Variants in UBE3C observed in about 807,000 individuals in gnomAD.
UBE3C encodes the protein ubiquitin-protein ligase E3C.
UBE3C carries 42 observed loss-of-function variants against 129.4 expected under a neutral mutation model. The ratio of observed to expected loss-of-function variants is 0.32; its 90% CI spans 0.25 to 0.42. The LOEUF is 0.42. UBE3C is among the 10% of genes least tolerant of loss of function. UBE3C has a pLI of 1.00. For synonymous variants in UBE3C, 510 were observed against 492.4 expected (o/e 1.04, Z -0.47); for missense variants, 1,049 against 1,319.1 (o/e 0.80, Z 3.17).
chr7:157,171,866 C>T (rs1808387508), intron 4 of UBE3C, among the ~76,000 whole-genome samples: 1 of 150,310 alleles, frequency 6.7e-6, no homozygotes, highest in African/African-American at 2.4e-5. Context: ...ACCACCACGC[C>T]CAGCTAATTT....
chr7:157,227,700 G>GA (rs933090435), intron 17 of UBE3C, among the ~76,000 whole-genome samples: 36 of 144,866 alleles, frequency 2.5e-4, no homozygotes, highest in Middle Eastern at 7.1e-3. Context: ...CTTCATCTCA[G>GA]AAAAAAAAAA....
At chr7:157,224,318 C>T (rs1795814899) in intron 16 of UBE3C, among the ~76,000 whole-genome samples, 1 of 152,128 alleles carries the variant, frequency 6.6e-6, no homozygotes, top group African/African-American at 2.4e-5. Flanking sequence ...CTTCAGCCTC[C>T]CAAGTAGCTA....
rs150266645 is a variant in UBE3C at position 157,213,770 on chromosome 7, G to A, written c.1810-3097G>A. On this transcript the variant is annotated intron_variant, in intron 13 of 22. Coordinates refer to ENST00000348165, the MANE Select transcript of UBE3C (RefSeq NM_014671.3). ...GTTTGGTATTTGATATTCTAAATAA[G>A]TATTTTGGGAATTGGTCCGGGACTA... 5.3e-5 allele frequency among the ~76,000 whole-genome samples: 8 copies of A among 152,254 alleles called. No homozygotes were observed. The East Asian group carries it at 1.5e-3, about 29-fold the overall frequency.
At chr7:157,192,720 G>C in intron 10 of UBE3C, 1 of 833,514 alleles carries the variant, frequency 1.2e-6, no homozygotes, top group East Asian at 2.4e-5. Context: ...CCTTCGTCGA[G>C]AGTGCCCTTC....
At chr7:157,143,803 G>A (rs1807525880) in intron 1 of UBE3C, among the ~76,000 whole-genome samples, 1 of 152,186 alleles carries the variant, frequency 6.6e-6, no homozygotes, top group Non-Finnish European at 1.5e-5. Context: ...AGATTTGGGG[G>A]TTATCAACAG....
chr7:157,263,558 G>A (rs1796979999), intron 22 of UBE3C, among the ~76,000 whole-genome samples: 1 of 152,098 alleles, frequency 6.6e-6, no homozygotes, highest in Non-Finnish European at 1.5e-5. Context: ...CAGCTACTCG[G>A]GAGGTTGAGG....
rs562261783 is a variant in UBE3C, at chr7:157,257,185, A to G, written c.3081+141A>G. On this transcript the variant is annotated intron_variant, in intron 22 of 22. Coordinates refer to ENST00000348165, the MANE Select transcript of UBE3C (RefSeq NM_014671.3). ...CTAGATTTTTAATTAAGTACTGGTT[A>G]TGATGTATATATTTTGGTGCTAGTT... 2.2e-4 allele frequency: 269 copies of G among 1,201,632 alleles called. 4 individuals are homozygous for G. In the South Asian group the frequency reaches 4.1e-3, roughly 18 times the overall value. The allele number at this position is 1,201,632 out of a possible 1,614,324, so 74.4% of individuals were successfully genotyped here.
intron 10 of UBE3C, chr7:157,198,056 GA>G: frequency 6.2e-7 from 1 of 1,607,730 alleles, no homozygotes. Context: ...GCTCCAGGGG[GA>G]TCTCTCCTCT....
chr7:157,140,659 G>A (rs1317403853), intron 1 of UBE3C, among the ~76,000 whole-genome samples: 1 of 152,174 alleles, frequency 6.6e-6, no homozygotes, highest in African/African-American at 2.4e-5. Context: ...GCAAGCTAGT[G>A]GCAGACCATC....
At chr7:157,194,451 C>CATAAAAGACTTTTCTAG (rs1312031187) in intron 10 of UBE3C, among the ~76,000 whole-genome samples, 1 of 152,094 alleles carries the variant, frequency 6.6e-6, no homozygotes, top group African/African-American at 2.4e-5. Flanking sequence ...GAGAAGTAGG[C>CATAAAAGACTTTTCTAG]ATAAAAGACT....
intron 14 of UBE3C, among the ~76,000 whole-genome samples, chr7:157,217,579 G>A (rs1020780765): frequency 1.3e-5 from 2 of 152,148 alleles, no homozygotes; most frequent in Non-Finnish European, 2.9e-5. Context: ...GCTCACGCCT[G>A]TAATCCCAGC....
At chr7:157,209,372 T>G (rs2117013530) in intron 13 of UBE3C, among the ~76,000 whole-genome samples, 1 of 152,366 alleles carries the variant, frequency 6.6e-6, no homozygotes, top group Middle Eastern at 3.4e-3. Flanking sequence ...ATGTAATATA[T>G]GTTTGCACAA....
intron 10 of UBE3C, 30 bp from the exon 11 acceptor site, chr7:157,201,691 G>A (rs1164754303): frequency 1.8e-6 from 1 of 565,158 alleles, no homozygotes; most frequent in Non-Finnish European, 2.6e-6. Context: ...TTGCTTTACT[G>A]TTCTGTGTTT....
At chr7:157,161,205 G>C (rs1212204033) in intron 1 of UBE3C, among the ~76,000 whole-genome samples, 2 of 152,184 alleles carry the variant, frequency 1.3e-5, no homozygotes, top group Non-Finnish European at 2.9e-5. Context: ...GTGGATAATT[G>C]TATCTGCTTA....
rs114741580 is a variant in UBE3C at position 157,156,754 on chromosome 7, G to A, written c.67-7056G>A. On this transcript the variant is annotated intron_variant, in intron 1 of 22. Transcript: ENST00000348165. ...AACACAAGCTAGAGCATATTAAACA[G>A]ATTGCTGTACTTCTCCTGTCCCCCT... Among the ~76,000 whole-genome samples the A allele has an allele frequency of 4.3e-3, 645 of 149,432 alleles. 3 individuals are homozygous for A. Among genetic ancestry groups the A allele is most frequent in the African/African-American group, 0.015 (604 of 40,572 alleles).
intron 1 of UBE3C, among the ~76,000 whole-genome samples, chr7:157,159,262 A>G (rs1193191124): frequency 6.6e-6 from 1 of 152,088 alleles, no homozygotes; most frequent in Non-Finnish European, 1.5e-5. Context: ...TATTTTGAAT[A>G]TGGCATTTAC....
intron 2 of UBE3C, among the ~76,000 whole-genome samples, chr7:157,167,572 C>G (rs957214540): frequency 1.3e-5 from 2 of 151,738 alleles, no homozygotes; most frequent in African/African-American, 4.8e-5. Flanking sequence ...GAGTCTCACT[C>G]TGTCACCCAG....
intron 22 of UBE3C, among the ~76,000 whole-genome samples, chr7:157,259,802 T>A (rs1796850598): frequency 6.6e-6 from 1 of 152,184 alleles, no homozygotes; most frequent in Admixed American, 6.5e-5. Flanking sequence ...GTAAATTTGC[T>A]AAAATCATTG....
At position 157,178,702 on chromosome 7, in the gene UBE3C, C is replaced by G. The variant is rs780393275; in HGVS notation, c.471C>G (p.Asn157Lys). The G allele has an allele frequency of 6.2e-7, 1 of 1,613,512 alleles. No homozygotes were observed. Among genetic ancestry groups the G allele is most frequent in the Non-Finnish European group, 8.5e-7 (1 of 1,179,544 alleles). The change falls in exon 6 of 23, where the codon AAC becomes AAG. Residue 157 changes from asparagine (N) to lysine (K), a missense_variant. Asn to Lys is a moderately conservative substitution (Grantham distance 94, BLOSUM62 0). Transcript: ENST00000348165. ...LMSLCCRLLQ[N>K]CNDDSLNVAL... ...TTCATTTTTACAGGTTGCTGCAAAA[C>G]TGTAATGATGACAGTTTGAATGTTG...
Sources: allele counts gnomAD v4.1 joint callset (sites outside exome capture counted in the v4.1 genomes callset), GRCh38; gene constraint gnomAD v4.1.1; transcripts MANE v1.5; gene names NCBI Gene and HGNC (gene_info 2026-07-23, HGNC 2026-07-21).